The following STAT3 variants were observed in gnomAD, a reference collection of about 807,000 sequenced individuals.
STAT3 encodes the protein signal transducer and activator of transcription 3.
STAT3 carries 7 observed loss-of-function variants against 114.3 expected under a neutral mutation model. That is an observed-to-expected ratio of 0.06 (90% CI 0.03 to 0.11). The LOEUF is 0.11. STAT3 is among the 10% of genes least tolerant of loss of function. STAT3 has a pLI of 1.00. For missense variants in STAT3, 364 were observed against 960.9 expected, an observed-to-expected ratio of 0.38 and a Z score of 8.21; for synonymous variants, 331 against 354.5, an observed-to-expected ratio of 0.93 and a Z score of 0.74.
At chr17:42,322,529 C>A (rs761299858) in intron 20 of STAT3, 35 bp from the exon 21 acceptor site, 2 of 1,611,398 alleles carry the variant, frequency 1.2e-6, no homozygotes, top group South Asian at 2.2e-5. Flanking sequence ...GATCATGGAA[C>A]CTACAGCTAG....
At chr17:42,373,615 C>T (rs902261382) in intron 1 of STAT3, among the ~76,000 whole-genome samples, 5 of 151,750 alleles carry the variant, frequency 3.3e-5, no homozygotes, top group Admixed American at 1.3e-4. Flanking sequence ...TTGAGCCGGG[C>T]GCGGTGGCTC....
intron 23 of STAT3, 46 bp downstream of exon 23, chr17:42,316,743 G>T: frequency 6.2e-7 from 1 of 1,612,602 alleles, no homozygotes; most frequent in South Asian, 1.1e-5. Context: ...ACACAAAGGG[G>T]ACCAACTTCC....
At chr17:42,360,876 G>A (rs1598477116) in intron 1 of STAT3, among the ~76,000 whole-genome samples, 1 of 152,156 alleles carries the variant, frequency 6.6e-6, no homozygotes. Flanking sequence ...CAACCAGGGT[G>A]TGAGGAGTTG....
chr17:42,352,272 G>C (rs1046136733), intron 1 of STAT3, among the ~76,000 whole-genome samples: 10 of 151,998 alleles, frequency 6.6e-5, no homozygotes, highest in African/African-American at 1.4e-4. Context: ...CCGGGAGGTG[G>C]AGGTTGTAGT....
chr17:42,351,823 A>G (rs2082976131), intron 1 of STAT3, among the ~76,000 whole-genome samples: 1 of 151,894 alleles, frequency 6.6e-6, no homozygotes, highest in Non-Finnish European at 1.5e-5. Flanking sequence ...CAGTGGTGCA[A>G]TCTCACCTCA....
intron 1 of STAT3, among the ~76,000 whole-genome samples, chr17:42,372,579 G>T (rs1007400770): frequency 6.6e-5 from 10 of 152,202 alleles, no homozygotes; most frequent in Non-Finnish European, 1.2e-4. Context: ...AGCACAGGGG[G>T]TTTCTAGGGC....
intron 1 of STAT3, 53 bp downstream of exon 1, chr17:42,388,226 G>A: frequency 1.6e-6 from 2 of 1,231,466 alleles, no homozygotes; most frequent in Non-Finnish European, 2.0e-6. Flanking sequence ...TGCCGCTGCG[G>A]AGCCCCCGGG....
intron 4 of STAT3, among the ~76,000 whole-genome samples, chr17:42,340,580 G>A (rs2144911385): frequency 6.6e-6 from 1 of 152,128 alleles, no homozygotes; most frequent in South Asian, 2.1e-4. Context: ...TACTTGGGAG[G>A]CTGAGGTGGG....
intron 1 of STAT3, among the ~76,000 whole-genome samples, chr17:42,353,553 C>T (rs2145076743): frequency 6.6e-6 from 1 of 152,190 alleles, no homozygotes; most frequent in East Asian, 1.9e-4. Context: ...TAATAAACTC[C>T]AGTGTTTAAA....
At chr17:42,379,630 T>C (rs986599620) in intron 1 of STAT3, among the ~76,000 whole-genome samples, 1 of 152,166 alleles carries the variant, frequency 6.6e-6, no homozygotes, top group African/African-American at 2.4e-5. Context: ...CACAACCAAC[T>C]CTAATCATTC....
chr17:42,332,460 C>T (rs2082061519), intron 10 of STAT3, among the ~76,000 whole-genome samples: 2 of 145,490 alleles, frequency 1.4e-5, no homozygotes, highest in African/African-American at 2.6e-5. Flanking sequence ...ATCACTTGAA[C>T]CCAGGAGGCA....
intron 1 of STAT3, among the ~76,000 whole-genome samples, chr17:42,371,676 CAAA>C (rs71359559): frequency 6.6e-5 from 6 of 90,960 alleles, no homozygotes; most frequent in Admixed American, 1.3e-4. Flanking sequence ...AACTCTGTCT[CAAA>C]AAAAAAAAAA....
intron 4 of STAT3, 70 bp downstream of exon 4, chr17:42,345,489 T>C: frequency 7.9e-7 from 1 of 1,259,748 alleles, no homozygotes; most frequent in East Asian, 2.5e-5. Context: ...TCTAATAATT[T>C]ATCTCATTAT....
chr17:42,317,528 C>T, intron 21 of STAT3: 3 of 487,194 alleles, frequency 6.2e-6, no homozygotes, highest in Non-Finnish European at 1.1e-5. Flanking sequence ...CCCTTCTTTC[C>T]CTAGATTATG....
At chr17:42,365,694 T>C (rs1334337837) in intron 1 of STAT3, among the ~76,000 whole-genome samples, 3 of 150,962 alleles carry the variant, frequency 2.0e-5, no homozygotes, top group African/African-American at 7.3e-5. Context: ...CTTGCTCTGT[T>C]GCCCAGGATG....
intron 1 of STAT3, among the ~76,000 whole-genome samples, chr17:42,370,714 G>A (rs540727661): frequency 4.0e-5 from 6 of 150,730 alleles, no homozygotes; most frequent in African/African-American, 9.8e-5. Flanking sequence ...TGCAACCTCC[G>A]CCTCCCAAGT....
At position 42,333,594 on chromosome 17, in the gene STAT3, C is replaced by A. The variant is rs2082111869; in HGVS notation, c.1049+79G>T. On this transcript the variant is annotated intron_variant, in intron 10 of 23. Transcript: ENST00000264657. The surrounding 1 kb of genome is among the most constrained non-coding windows in gnomAD (Gnocchi z 5.2). Reference sequence around the variant, plus strand: ...TGACACCACACCTGGAAAGAATGACCCTGGCCACCAACTCTACCCTCACCC... The same window carrying A: ...TGACACCACACCTGGAAAGAATGACACTGGCCACCAACTCTACCCTCACCC... 2 of 1,528,048 alleles carry A rather than the reference C, an allele frequency of 1.3e-6. No individual in the cohort carries two copies. Among genetic ancestry groups the A allele is most frequent in the African/African-American group, 2.7e-5 (2 of 73,114 alleles). The allele number at this position is 1,528,048 out of a possible 1,614,324, so 94.7% of individuals were successfully genotyped here. A position where few individuals can be genotyped will look rare whatever the true frequency, so the allele number is the denominator to read the frequency against.
At chr17:42,328,221 A>G (rs566832752) in intron 14 of STAT3, among the ~76,000 whole-genome samples, 1 of 152,254 alleles carries the variant, frequency 6.6e-6, no homozygotes, top group African/African-American at 2.4e-5. Flanking sequence ...ATTTCTTAAT[A>G]TACATATGAA....
intron 4 of STAT3, among the ~76,000 whole-genome samples, chr17:42,342,371 T>C (rs2082479015): frequency 6.6e-6 from 1 of 151,932 alleles, no homozygotes; most frequent in Admixed American, 6.6e-5. Flanking sequence ...TAATCCCAGC[T>C]ACTTGGGAAG....
Sources: gnomAD v4.1 joint callset for allele counts (sites outside exome capture counted in the v4.1 genomes callset) on GRCh38, gnomAD v4.1.1 for gene constraint, Gnocchi (gnomAD v3.1) non-coding constraint, MANE v1.5 for transcripts, NCBI Gene and HGNC (gene_info 2026-07-23, HGNC 2026-07-21) for gene names.